The following ATRNL1 variants were observed in gnomAD, a reference collection of about 807,000 sequenced individuals.
The protein encoded by ATRNL1 is attractin like 1.
ATRNL1 carries 95 observed loss-of-function variants against 182.7 expected under a neutral mutation model. That is an observed-to-expected ratio of 0.52 (90% confidence interval 0.44 to 0.62). The LOEUF is 0.62. Ranked by LOEUF, ATRNL1 falls within the 20% of genes least tolerant of loss-of-function variation. The probability of loss-of-function intolerance (pLI) is 0.00; values close to 1 mark genes in which losing one functional copy is unlikely to be tolerated. For synonymous variants in ATRNL1, 576 were observed against 568.3 expected (o/e 1.01, Z -0.19); for missense variants, 1,471 against 1,679.5 (o/e 0.88, Z 2.17).
At chr10:115,659,281 A>G (rs1860527246) in intron 26 of ATRNL1, among the ~76,000 whole-genome samples, 1 of 152,052 alleles carries the variant, frequency 6.6e-6, no homozygotes, top group African/African-American at 2.4e-5. Context: ...CCTTTTGTGA[A>G]CCTTCCTCAA....
At chr10:115,912,416 TTGTGTGTG>T (rs35956227) in intron 28 of ATRNL1, among the ~76,000 whole-genome samples, 2 of 148,092 alleles carry the variant, frequency 1.4e-5, no homozygotes, top group East Asian at 2.0e-4. Flanking sequence ...ATATATATAT[TTGTGTGTG>T]TGTGTGTGTG....
intron 8 of ATRNL1, among the ~76,000 whole-genome samples, chr10:115,202,124 A>T (rs1404362988): frequency 6.6e-6 from 1 of 152,108 alleles, no homozygotes; most frequent in Non-Finnish European, 1.5e-5. Flanking sequence ...GCTTAAGGAG[A>T]TATTGGGCTG....
intron 26 of ATRNL1, among the ~76,000 whole-genome samples, chr10:115,559,441 T>C (rs76734009): frequency 0.048 from 734 of 15,286 alleles, 10 homozygotes; most frequent in South Asian, 0.2. Flanking sequence ...TGTGTGTGTG[T>C]GTGCGCGCGC....
chr10:115,504,918 A>G (rs1554980920), intron 24 of ATRNL1, among the ~76,000 whole-genome samples: 1 of 152,096 alleles, frequency 6.6e-6, no homozygotes, highest in Non-Finnish European at 1.5e-5. Context: ...TTATAGATTT[A>G]TAAAGACCTT....
intron 14 of ATRNL1, among the ~76,000 whole-genome samples, chr10:115,282,935 A>G (rs1252815137): frequency 4.0e-5 from 6 of 151,840 alleles, no homozygotes; most frequent in Non-Finnish European, 7.4e-5. Flanking sequence ...CATCACCTAC[A>G]TTAGGTATTT....
At chr10:115,718,508 G>A (rs1045604443) in intron 26 of ATRNL1, among the ~76,000 whole-genome samples, 1 of 151,978 alleles carries the variant, frequency 6.6e-6, no homozygotes, top group Admixed American at 6.6e-5. Flanking sequence ...ATCTTGCAAA[G>A]GTCCATTGAA....
At position 115,819,213 on chromosome 10, in the gene ATRNL1, G is replaced by C. The variant is rs545319888; in HGVS notation, c.3904-28664G>C. ...CTGCAAGCCCATCAGCCACCAGCTT[G>C]CTAGACATCTCCCCTTTAGTGTCCC... On this transcript the variant is annotated intron_variant, in intron 27 of 28. Coordinates refer to ENST00000355044, the MANE Select transcript of ATRNL1 (RefSeq NM_207303.4). 3.1e-4 allele frequency among the ~76,000 whole-genome samples: 46 copies of C among 147,828 alleles called. No individual in the cohort carries two copies. The East Asian group carries it at 7.7e-3, about 25-fold the overall frequency.
At chr10:115,590,737 A>G (rs1241092854) in intron 26 of ATRNL1, among the ~76,000 whole-genome samples, 2 of 152,162 alleles carry the variant, frequency 1.3e-5, no homozygotes, top group Non-Finnish European at 2.9e-5. Flanking sequence ...ACCACATTCA[A>G]CATTCAATGA....
chr10:115,372,118 C>T (rs1369995777), intron 19 of ATRNL1, among the ~76,000 whole-genome samples: 2 of 152,180 alleles, frequency 1.3e-5, no homozygotes, highest in African/African-American at 4.8e-5. Context: ...AAACCTCTTT[C>T]TTTTGTAAAT....
intron 26 of ATRNL1, among the ~76,000 whole-genome samples, chr10:115,639,057 C>T (rs534421166): frequency 4.6e-5 from 7 of 152,228 alleles, no homozygotes; most frequent in African/African-American, 1.7e-4. Flanking sequence ...GACAATTGAA[C>T]ACCAAAGAGG....
intron 21 of ATRNL1, among the ~76,000 whole-genome samples, chr10:115,431,531 A>G (rs1554963969): frequency 6.6e-6 from 1 of 152,152 alleles, no homozygotes; most frequent in Non-Finnish European, 1.5e-5. Context: ...TACAGTTCGC[A>G]TAGGGAAGGC....
chr10:115,509,557 T>C (rs1030115312), intron 24 of ATRNL1, among the ~76,000 whole-genome samples: 4 of 152,024 alleles, frequency 2.6e-5, no homozygotes. Flanking sequence ...CTCCTGTGCC[T>C]GCTCCGCCTT....
At chr10:115,591,435 CGG>C (rs1404869604) in intron 26 of ATRNL1, among the ~76,000 whole-genome samples, 1 of 152,104 alleles carries the variant, frequency 6.6e-6, no homozygotes, top group Admixed American at 6.6e-5. Flanking sequence ...CAAATCCTCT[CGG>C]AGAAGATGGA....
chr10:115,828,085 A>C (rs2134302715), intron 27 of ATRNL1, among the ~76,000 whole-genome samples: 1 of 152,288 alleles, frequency 6.6e-6, no homozygotes, highest in South Asian at 2.1e-4. Context: ...TGGGAGACCG[A>C]GGTGGGCGGA....
chr10:115,209,214 T>G (rs1554894440), intron 8 of ATRNL1, among the ~76,000 whole-genome samples: 4 of 151,560 alleles, frequency 2.6e-5, no homozygotes, highest in Non-Finnish European at 5.9e-5. Context: ...GAAAGAGAAA[T>G]ATTTATTTCG....
chr10:115,930,047 A>G (rs2134589731), intron 28 of ATRNL1, among the ~76,000 whole-genome samples: 1 of 152,214 alleles, frequency 6.6e-6, no homozygotes, highest in Non-Finnish European at 1.5e-5. Context: ...AAGTTTAGGA[A>G]ATATTTCCTC....
chr10:115,357,354 T>G (rs1438643233), intron 19 of ATRNL1, among the ~76,000 whole-genome samples: 1 of 151,810 alleles, frequency 6.6e-6, no homozygotes, highest in Non-Finnish European at 1.5e-5. Context: ...TTTGTACAAT[T>G]TTTTCAAAAG....
At chr10:115,796,401 G>T (rs1949655102) in intron 27 of ATRNL1, among the ~76,000 whole-genome samples, 1 of 152,006 alleles carries the variant, frequency 6.6e-6, no homozygotes, top group African/African-American at 2.4e-5. Flanking sequence ...GGACTAAATT[G>T]TTGAAACAGG....
At chr10:115,146,638 C>T (rs536373798) in intron 5 of ATRNL1, among the ~76,000 whole-genome samples, 2 of 152,196 alleles carry the variant, frequency 1.3e-5, no homozygotes, top group African/African-American at 2.4e-5. Flanking sequence ...CCTGTCCAGC[C>T]TCTGGTATCC....
Sources: allele counts gnomAD v4.1 joint callset (sites outside exome capture counted in the v4.1 genomes callset), GRCh38; gene constraint gnomAD v4.1.1; transcripts MANE v1.5; gene names NCBI Gene and HGNC (gene_info 2026-07-23, HGNC 2026-07-21).